ST8SIA2: variants seen among roughly 807,000 people sequenced by gnomAD.
The protein encoded by ST8SIA2 is alpha-2,8-sialyltransferase 8B.
Under a neutral mutation model 37.6 loss-of-function variants are expected in ST8SIA2, and 22 were observed. The observed-to-expected ratio is 0.58, with a 90% CI of 0.42 to 0.83. ST8SIA2 has a LOEUF of 0.83. Among genes scored for constraint, ST8SIA2 ranks in the 40% least tolerant of loss-of-function variants. The pLI is 0.00. For synonymous variants in ST8SIA2, 205 were observed against 201.2 expected, an observed-to-expected ratio of 1.02 and a Z score of -0.16; for missense variants, 382 against 484.7, an observed-to-expected ratio of 0.79 and a Z score of 1.99.
chr15:92,421,595 G>A (rs890318188), intron 1 of ST8SIA2, among the ~76,000 whole-genome samples: 3 of 152,228 alleles, frequency 2.0e-5, no homozygotes, highest in African/African-American at 7.2e-5. Flanking sequence ...GAAGCTTCTA[G>A]ATAGGTTAAG....
At chr15:92,437,352 T>C (rs1158272520) in intron 3 of ST8SIA2, among the ~76,000 whole-genome samples, 1 of 152,098 alleles carries the variant, frequency 6.6e-6, no homozygotes, top group African/African-American at 2.4e-5. Context: ...CAGAAGGCTG[T>C]GTGTTTCAGG....
intron 5 of ST8SIA2, among the ~76,000 whole-genome samples, chr15:92,447,902 T>C (rs1226607027): frequency 6.6e-6 from 1 of 152,170 alleles, no homozygotes; most frequent in Non-Finnish European, 1.5e-5. Context: ...TCGTGGACTG[T>C]TTAAATATTA....
intron 1 of ST8SIA2, among the ~76,000 whole-genome samples, chr15:92,428,040 G>C (rs920477832): frequency 6.6e-6 from 1 of 152,204 alleles, no homozygotes; most frequent in African/African-American, 2.4e-5. Flanking sequence ...CTTTCTCAGA[G>C]GGTGGTGCAG....
chr15:92,412,283 G>C (rs765940343), intron 1 of ST8SIA2, among the ~76,000 whole-genome samples: 1 of 150,682 alleles, frequency 6.6e-6, no homozygotes, highest in Non-Finnish European at 1.5e-5. Flanking sequence ...AGGGAAGGAA[G>C]GGGGGAGAGG....
intron 3 of ST8SIA2, among the ~76,000 whole-genome samples, chr15:92,435,934 T>G (rs2049754115): frequency 6.6e-6 from 1 of 152,152 alleles, no homozygotes; most frequent in Admixed American, 6.5e-5. Flanking sequence ...GATGCCACAA[T>G]TCTGAGCACC....
intron 1 of ST8SIA2, among the ~76,000 whole-genome samples, chr15:92,397,701 T>C (rs2049441567): frequency 6.6e-6 from 1 of 152,168 alleles, no homozygotes; most frequent in Admixed American, 6.5e-5. Flanking sequence ...CACTAGGGGA[T>C]TGTGAGGCGT....
At chr15:92,463,085 C>T (rs1014436885) in intron 5 of ST8SIA2, among the ~76,000 whole-genome samples, 3 of 152,208 alleles carry the variant, frequency 2.0e-5, no homozygotes, top group Non-Finnish European at 4.4e-5. Flanking sequence ...CTCAAAGGCA[C>T]ACAGATAGTT....
At chr15:92,398,867 TC>T (rs1292530611) in intron 1 of ST8SIA2, among the ~76,000 whole-genome samples, 5 of 152,166 alleles carry the variant, frequency 3.3e-5, no homozygotes, top group African/African-American at 1.2e-4. Flanking sequence ...GACCAACTCA[TC>T]CCCAGTGGTT....
chr15:92,451,133 T>C (rs2049878767), intron 5 of ST8SIA2, among the ~76,000 whole-genome samples: 1 of 152,198 alleles, frequency 6.6e-6, no homozygotes, highest in African/African-American at 2.4e-5. Flanking sequence ...TCAGACAAGT[T>C]AGGTCATTTG....
intron 5 of ST8SIA2, among the ~76,000 whole-genome samples, chr15:92,445,426 T>A (rs141136695): frequency 1.3e-5 from 2 of 152,338 alleles, no homozygotes; most frequent in African/African-American, 4.8e-5. Context: ...GTACGTGAAA[T>A]GCGTAGTAAA....
intron 2 of ST8SIA2, among the ~76,000 whole-genome samples, chr15:92,430,486 A>G (rs138393585): frequency 2.6e-5 from 4 of 152,346 alleles, no homozygotes; most frequent in African/African-American, 9.6e-5. Flanking sequence ...CTCGTCCAGG[A>G]GGTTAAGATG....
chr15:92,437,232 C>T lies in ST8SIA2; in HGVS notation c.291-1121C>T, dbSNP rs189149318. On this transcript the variant is annotated intron_variant, in intron 3 of 5. Transcript: ENST00000268164. ...GAATATGAAATTAATTTCAGCTTAT[C>T]TAGGTACTCAATTCCTTTCTCTTTA... 1.1e-3 allele frequency among the ~76,000 whole-genome samples: 164 copies of T among 152,334 alleles called. 2 individuals carry two copies. In the Middle Eastern group the frequency reaches 0.014, roughly 13 times the overall value.
Position 92,465,013 on chromosome 15 carries a change from G to A in ST8SIA2, c.*628G>A, listed in dbSNP as rs949156639. 1 of 153,908 alleles carries A rather than the reference G, an allele frequency of 6.5e-6. No individual in the cohort carries two copies. The highest frequency in any genetic ancestry group is 1.5e-5 in the Non-Finnish European group (1 of 68,952). 9.5% of individuals were successfully genotyped at this position (153,908 alleles called of 1,614,324 possible). On this transcript the variant is annotated 3_prime_UTR_variant, in exon 6 of 6. Coordinates refer to ENST00000268164, the MANE Select transcript of ST8SIA2 (RefSeq NM_006011.4). Reference sequence around the variant, plus strand: ...CAGCACGAATGACTCACATGTTTCAGACAGGCCTCCACGGCTATGGAGAGA... The same window carrying A: ...CAGCACGAATGACTCACATGTTTCAAACAGGCCTCCACGGCTATGGAGAGA...
intron 5 of ST8SIA2, among the ~76,000 whole-genome samples, chr15:92,463,658 A>G (rs62021050): frequency 0.13 from 20,133 of 152,254 alleles, 1,452 homozygotes; most frequent in Non-Finnish European, 0.17. Context: ...ACAGCTACAC[A>G]ACGGTCAAGT....
chr15:92,453,637 A>T (rs1336814809), intron 5 of ST8SIA2, among the ~76,000 whole-genome samples: 1 of 152,216 alleles, frequency 6.6e-6, no homozygotes, highest in Admixed American at 6.5e-5. Context: ...GCCTGGCCAG[A>T]TCCCACTTAG....
intron 1 of ST8SIA2, among the ~76,000 whole-genome samples, chr15:92,394,382 G>A (rs549910600): frequency 1.3e-5 from 2 of 152,230 alleles, no homozygotes; most frequent in African/African-American, 4.8e-5. Flanking sequence ...CCCGGGCGGG[G>A]TTCACGGGAA....
rs1284138694 is a variant in ST8SIA2 at position 92,467,458 on chromosome 15, A to C, written c.*3073A>C. ...GGCAGCAGCGTCCCAGCGCCTCCAC[A>C]TTGCCCCTCTCACCTCCCAGCTCTC... On this transcript the variant is annotated 3_prime_UTR_variant, in exon 6 of 6. Transcript: ENST00000268164. The C allele has an allele frequency of 1.3e-5, 2 of 152,512 alleles. No homozygotes were observed. The highest frequency in any genetic ancestry group is 4.9e-5 in the African/African-American group (2 of 41,072). 9.4% of individuals were successfully genotyped at this position (152,512 alleles called of 1,614,324 possible).
At chr15:92,441,396 G>C (rs888919902) in intron 4 of ST8SIA2, among the ~76,000 whole-genome samples, 1 of 152,168 alleles carries the variant, frequency 6.6e-6, no homozygotes, top group East Asian at 1.9e-4. Context: ...GCATGGATCC[G>C]GCAGGGCACT....
chr15:92,401,537 C>T (rs916433017), intron 1 of ST8SIA2, among the ~76,000 whole-genome samples: 4 of 152,164 alleles, frequency 2.6e-5, no homozygotes, highest in African/African-American at 7.2e-5. Flanking sequence ...GGCCCCGACA[C>T]GACATGTGTC....
Sources: gnomAD v4.1 joint callset for allele counts (sites outside exome capture counted in the v4.1 genomes callset) on GRCh38, gnomAD v4.1.1 for gene constraint, MANE v1.5 for transcripts, NCBI Gene and HGNC (gene_info 2026-07-23, HGNC 2026-07-21) for gene names.